The following IL1RAPL1 variants were observed in gnomAD, a reference collection of about 807,000 sequenced individuals.
IL1RAPL1 encodes the protein interleukin 1 receptor accessory protein like 1.
In IL1RAPL1, 3 loss-of-function variants were observed where a neutral mutation model predicts 48.4. The observed-to-expected ratio is 0.06, with a 90% CI of 0.03 to 0.16. The LOEUF is 0.16. Among genes scored for constraint, IL1RAPL1 ranks in the 10% least tolerant of loss-of-function variants. The pLI, the probability that IL1RAPL1 is intolerant of heterozygous loss-of-function variation, is 1.00. For synonymous variants in IL1RAPL1, 185 were observed against 187.7 expected (o/e 0.99, Z 0.12); for missense variants, 349 against 530.6 (o/e 0.66, Z 3.36).
At chrX:29,576,937 G>T (rs1361515431) in intron 5 of IL1RAPL1, among the ~76,000 whole-genome samples, 1 of 111,075 alleles carries the variant, frequency 9.0e-6, no homozygotes, top group Non-Finnish European at 1.9e-5. Flanking sequence ...TACTTCAAGG[G>T]CAGTGCTTTA....
chrX:29,189,714 G>A (rs1026089878), intron 2 of IL1RAPL1, among the ~76,000 whole-genome samples: 1 of 111,072 alleles, frequency 9.0e-6, no homozygotes, highest in South Asian at 3.8e-4. Context: ...TTATATATAC[G>A]TTCATAAATT....
intron 3 of IL1RAPL1, among the ~76,000 whole-genome samples, chrX:29,294,155 T>A (rs1254697348): frequency 2.7e-5 from 3 of 111,241 alleles, no homozygotes; most frequent in African/African-American, 9.8e-5. Context: ...ACTAAACTCA[T>A]GGCTAGGGAA....
chrX:28,788,485 C>A (rs1601903789), intron 1 of IL1RAPL1, among the ~76,000 whole-genome samples: 1 of 110,812 alleles, frequency 9.0e-6, no homozygotes, highest in Non-Finnish European at 1.9e-5. Context: ...CTTCTTTCTT[C>A]TTTCTTCTTC....
At chrX:29,361,853 C>T (rs946982422) in intron 3 of IL1RAPL1, among the ~76,000 whole-genome samples, 13 of 112,128 alleles carry the variant, frequency 1.2e-4, no homozygotes, top group Middle Eastern at 9.3e-3. Flanking sequence ...ATTCTACAAA[C>T]GTTGCAGTTG....
At chrX:29,161,733 A>G (rs1488701086) in intron 2 of IL1RAPL1, among the ~76,000 whole-genome samples, 1 of 112,288 alleles carries the variant, frequency 8.9e-6, no homozygotes, top group Admixed American at 9.5e-5. Context: ...CTGTGGAGAA[A>G]TAACAACGCT....
intron 6 of IL1RAPL1, among the ~76,000 whole-genome samples, chrX:29,842,582 T>C (rs190830106): frequency 8.9e-6 from 1 of 112,620 alleles, no homozygotes; most frequent in Non-Finnish European, 1.9e-5. Flanking sequence ...GCAATTGTGT[T>C]AATTCGAAAC....
chrX:29,399,048 A>T, intron 4 of IL1RAPL1, 107 bp from the exon 5 acceptor site: 1 of 569,254 alleles, frequency 1.8e-6, no homozygotes, highest in Non-Finnish European at 2.9e-6. Flanking sequence ...CAAACTTTTT[A>T]GTCCCTTTAA....
Position 28,684,225 on chromosome X carries a change from A to G in IL1RAPL1, c.-25+96178A>G, listed in dbSNP as rs145014625. On this transcript the variant is annotated intron_variant, in intron 1 of 10. Coordinates refer to ENST00000378993, the MANE Select transcript of IL1RAPL1 (RefSeq NM_014271.4). ...TTTACAAACTGCTTTTGCATATGCTATTTCATTTCATTGTTGCCCTTTTCA... is the reference window on the plus strand; with the variant it reads ...TTTACAAACTGCTTTTGCATATGCTGTTTCATTTCATTGTTGCCCTTTTCA... 9.6e-3 allele frequency among the ~76,000 whole-genome samples: 1,083 copies of G among 112,260 alleles called. 11 individuals carry two copies. The highest frequency in any genetic ancestry group is 0.033 in the African/African-American group (1,029 of 30,938).
intron 8 of IL1RAPL1, among the ~76,000 whole-genome samples, chrX:29,933,270 A>AC (rs1932975876): frequency 9.0e-6 from 1 of 111,265 alleles, no homozygotes; most frequent in South Asian, 3.9e-4. Flanking sequence ...CCACCATGCC[A>AC]CGTGTATACC....
At chrX:28,851,173 G>A (rs1049780582) in intron 2 of IL1RAPL1, among the ~76,000 whole-genome samples, 1 of 108,023 alleles carries the variant, frequency 9.3e-6, no homozygotes, top group African/African-American at 3.4e-5. Flanking sequence ...TTTAGAATGA[G>A]TGGTGCTTTG....
chrX:29,815,738 T>C (rs895780862), intron 6 of IL1RAPL1, among the ~76,000 whole-genome samples: 8 of 111,243 alleles, frequency 7.2e-5, no homozygotes, highest in African/African-American at 2.6e-4. Flanking sequence ...CTCTTATTTT[T>C]AGTTATGTTC....
At chrX:29,289,770 A>G (rs770718917) in intron 3 of IL1RAPL1, among the ~76,000 whole-genome samples, 4 of 112,461 alleles carry the variant, frequency 3.6e-5, no homozygotes, top group Non-Finnish European at 7.5e-5. Flanking sequence ...TACAAATCCT[A>G]TAAACATTTT....
At chrX:29,713,737 G>T (rs1203091879) in intron 6 of IL1RAPL1, among the ~76,000 whole-genome samples, 1 of 111,695 alleles carries the variant, frequency 9.0e-6, no homozygotes, top group Non-Finnish European at 1.9e-5. Flanking sequence ...GGCAATTCAT[G>T]GTCACTGCAC....
intron 8 of IL1RAPL1, among the ~76,000 whole-genome samples, chrX:29,935,960 T>C (rs1176086561): frequency 3.6e-5 from 4 of 111,570 alleles, no homozygotes; most frequent in Non-Finnish European, 7.5e-5. Flanking sequence ...ATTATTATAA[T>C]TTTGGGGGTT....
intron 6 of IL1RAPL1, among the ~76,000 whole-genome samples, chrX:29,900,432 G>A (rs748905540): frequency 7.1e-5 from 8 of 112,045 alleles, no homozygotes; most frequent in Non-Finnish European, 1.5e-4. Flanking sequence ...AGTGTACAGC[G>A]AATCATAAAA....
intron 2 of IL1RAPL1, among the ~76,000 whole-genome samples, chrX:28,846,078 T>C (rs1047755168): frequency 8.9e-6 from 1 of 112,298 alleles, no homozygotes; most frequent in Non-Finnish European, 1.9e-5. Context: ...GTTCTCCTAT[T>C]CATCTTTCCA....
At chrX:28,909,944 A>C (rs1923315572) in intron 2 of IL1RAPL1, among the ~76,000 whole-genome samples, 2 of 112,082 alleles carry the variant, frequency 1.8e-5, no homozygotes, top group Admixed American at 1.9e-4. Context: ...GTGCAACAGC[A>C]TTTTAAAATT....
chrX:29,366,911 G>A lies in IL1RAPL1; in HGVS notation c.363-29347G>A, dbSNP rs757348962. Reference sequence around the variant, plus strand: ...GTCACCTTCAATTCGAGAAAATCAGGAAGATAACATTTTTGAGTAATTTTA... The same window carrying A: ...GTCACCTTCAATTCGAGAAAATCAGAAAGATAACATTTTTGAGTAATTTTA... On this transcript the variant is annotated intron_variant, in intron 3 of 10. Coordinates refer to ENST00000378993, the MANE Select transcript of IL1RAPL1 (RefSeq NM_014271.4). 9.9e-5 allele frequency among the ~76,000 whole-genome samples: 11 copies of A among 110,741 alleles called. No homozygotes were observed. The East Asian group carries it at 3.1e-3, about 31-fold the overall frequency.
chrX:28,591,661 A>C (rs2146873964), intron 1 of IL1RAPL1, among the ~76,000 whole-genome samples: 1 of 111,315 alleles, frequency 9.0e-6, no homozygotes, highest in South Asian at 3.8e-4. Context: ...ACTAAATTCC[A>C]ACCCTATTTC....
Sources: gnomAD v4.1 joint callset for allele counts (sites outside exome capture counted in the v4.1 genomes callset) on GRCh38, gnomAD v4.1.1 for gene constraint, MANE v1.5 for transcripts, NCBI Gene and HGNC (gene_info 2026-07-23, HGNC 2026-07-21) for gene names.